MYRF: variants seen among roughly 807,000 people sequenced by gnomAD.
The protein encoded by MYRF is myelin gene regulatory factor.
A neutral mutation model predicts 126.3 loss-of-function variants in MYRF; 16 were observed. That is an observed-to-expected ratio of 0.13 (90% confidence interval 0.09 to 0.19). MYRF has a LOEUF of 0.19. MYRF is among the 10% of genes least tolerant of loss of function. MYRF has a pLI of 1.00. For missense variants in MYRF, 1,104 were observed against 1,547.0 expected, an observed-to-expected ratio of 0.71 and a Z score of 4.80; for synonymous variants, 608 against 635.3, an observed-to-expected ratio of 0.96 and a Z score of 0.65.
Position 61,784,374 on chromosome 11 carries a change from C to G in MYRF, c.3289C>G (p.Gln1097Glu). ...CCTTCCACAGAGTCTCCACACCCACCAGGACACCCAGGTAGGTGGGACTGG... is the reference window on the plus strand; with the variant it reads ...CCTTCCACAGAGTCTCCACACCCACGAGGACACCCAGGTAGGTGGGACTGG... ...GSLPQSLHTH[Q>E]DTQGTSHRWP... The change falls in exon 25 of 27, where the codon CAG (glutamine) becomes GAG (glutamate). Residue 1097 changes from glutamine (Q) to glutamate (E), a missense_variant. By Grantham distance (29) the Gln-to-Glu change is conservative. Around this residue, in one of 10 missense-constraint regions of MYRF, gnomAD observed 94 missense variants for 164.6 expected, o/e 0.57. Coordinates refer to ENST00000278836, the MANE Select transcript of MYRF (RefSeq NM_001127392.3). 1 of 1,613,526 alleles carries G rather than the reference C, an allele frequency of 6.2e-7. No individual in the cohort carries two copies.
intron 3 of MYRF, chr11:61,767,260 G>A (rs560856958): frequency 8.8e-5 from 40 of 456,744 alleles, no homozygotes; most frequent in Non-Finnish European, 1.6e-4. Flanking sequence ...GGCCCCTGGG[G>A]GCAGAGGGAG....
At position 61,770,243 on chromosome 11, in the gene MYRF, C is replaced by A; in HGVS notation, c.461-3C>A. ...GATGCCCGCTCCCCCATCTCTCCTG[C>A]AGAGCCCCACCTCCTGCGCACGATA... is the stretch of plus-strand genomic sequence containing the variant. On this transcript the variant is annotated splice_region_variant and splice_polypyrimidine_tract_variant and intron_variant, in intron 4 of 26. Transcript: ENST00000278836. 6.2e-7 allele frequency: 1 copy of A among 1,601,276 alleles called. No homozygotes were observed. Among genetic ancestry groups the A allele is most frequent in the Non-Finnish European group, 8.5e-7 (1 of 1,175,174 alleles).
chr11:61,769,457 C>T (rs2066148868), intron 4 of MYRF, 136 bp downstream of exon 4: 1 of 684,668 alleles, frequency 1.5e-6, no homozygotes, highest in East Asian at 2.8e-5. Flanking sequence ...TCAAATACTC[C>T]CTGGCGCTTG....
intron 17 of MYRF, 53 bp from the exon 18 acceptor site, chr11:61,780,169 G>A (rs2066501957): frequency 2.5e-6 from 4 of 1,587,290 alleles, no homozygotes; most frequent in Non-Finnish European, 3.5e-6. Flanking sequence ...CCTAGAGAGA[G>A]GGCACTGGAT....
At chr11:61,785,456 C>T in intron 25 of MYRF, 1 of 250,850 alleles carries the variant, frequency 4.0e-6, no homozygotes, top group Non-Finnish European at 7.7e-6. Context: ...GGGCTAGTAG[C>T]AGCACTGTGT....
Position 61,785,788 on chromosome 11 carries a change from C to T in MYRF, c.3301-12C>T. The T allele has an allele frequency of 6.2e-7, 1 of 1,613,262 alleles. No individual in the cohort carries two copies. Among genetic ancestry groups the T allele is most frequent in the Non-Finnish European group, 8.5e-7 (1 of 1,179,176 alleles). On this transcript the variant is annotated splice_polypyrimidine_tract_variant and intron_variant, in intron 25 of 26. Transcript: ENST00000278836. ...AGCAGTCTGTCCTGACCCCTCTCTC[C>T]CTTCTCTCCAGGGCACCTCTCACCG...
chr11:61,777,504 T>G lies in MYRF; in HGVS notation c.1791+40T>G, dbSNP rs994896029. The G allele has an allele frequency of 2.6e-5, 34 of 1,295,560 alleles. No homozygotes were observed. Among genetic ancestry groups the G allele is most frequent in the Middle Eastern group, 2.1e-4 (1 of 4,722 alleles). 80.3% of individuals were successfully genotyped at this position (1,295,560 alleles called of 1,614,324 possible). A position where few individuals can be genotyped will look rare whatever the true frequency, so the allele number is the denominator to read the frequency against. On this transcript the variant is annotated intron_variant, in intron 12 of 26. Coordinates refer to ENST00000278836, the MANE Select transcript of MYRF (RefSeq NM_001127392.3). The surrounding 1 kb of genome is among the most constrained non-coding windows in gnomAD (Gnocchi z 8.8). The stretch of plus-strand genomic sequence containing the variant: ...GTGGGGGCCGGGCGGGTCCAGACGC[T>G]GGAGCGGGCCGCGGGGGCGGGGCTC...
At chr11:61,766,951 T>A (rs754870780) in intron 3 of MYRF, 4 of 453,022 alleles carry the variant, frequency 8.8e-6, no homozygotes, top group Middle Eastern at 3.6e-4. Flanking sequence ...TCAGACAGCC[T>A]GGCTCCAACT....
At chr11:61,756,502 G>A (rs748292497) in intron 1 of MYRF, among the ~76,000 whole-genome samples, 76 of 152,178 alleles carry the variant, frequency 5.0e-4, no homozygotes, top group Non-Finnish European at 9.3e-4. Flanking sequence ...TGCACCCAGG[G>A]AGTAAGTAGA....
chr11:61,754,965 G>A (rs888665070), intron 1 of MYRF, among the ~76,000 whole-genome samples: 13 of 152,204 alleles, frequency 8.5e-5, no homozygotes, highest in South Asian at 4.1e-4. Context: ...TGTGAAGTGC[G>A]AGGGAGCGGG....
In MYRF at chr11:61,779,531, C is replaced by T. The variant is rs139203361; in HGVS notation, c.2208C>T (p.Ser736=). 2.0e-5 allele frequency: 30 copies of T among 1,508,398 alleles called. No individual in the cohort carries two copies. The highest frequency in any genetic ancestry group is 1.8e-4 in the Middle Eastern group (1 of 5,434). The allele number at this position is 1,508,398 out of a possible 1,614,324, so 93.4% of individuals were successfully genotyped here. The part of the protein sequence containing the change: ...HAGSQFSRAG[S]VPHKKRPPKV... ...GGAGCCAGTTCAGTCGGGCGGGCAG[C>T]GTCCCCCACAAGAAGAGGCCCCCCA... Residue 736 remains serine (S), a synonymous_variant, in exon 16 of 27, where the codon AGC becomes AGT. Transcript: ENST00000278836.
At chr11:61,761,073 G>C (rs1033706096) in intron 1 of MYRF, among the ~76,000 whole-genome samples, 1 of 152,062 alleles carries the variant, frequency 6.6e-6, no homozygotes, top group East Asian at 1.9e-4. Context: ...TCGGGCCCCG[G>C]CCCACCCTAC....
chr11:61,768,685 C>T (rs2066128764), intron 3 of MYRF: 1 of 152,310 alleles, frequency 6.6e-6, no homozygotes, highest in Non-Finnish European at 1.5e-5. Flanking sequence ...CAGCCTTCCA[C>T]TTGCTGGGTG....
chr11:61,766,317 G>C lies in MYRF; in HGVS notation c.398+96G>C. ...CCTGGGAGGTGCTAGACACTGGCCT[G>C]GCATGGGATGGGCTGGGTGACTGGC... is the stretch of plus-strand genomic sequence containing the variant. On this transcript the variant is annotated intron_variant, in intron 3 of 26. Coordinates refer to ENST00000278836, the MANE Select transcript of MYRF (RefSeq NM_001127392.3). The C allele has an allele frequency of 5.2e-6, 7 of 1,350,804 alleles. No homozygotes were observed. In the South Asian group the frequency reaches 1.1e-4, roughly 21 times the overall value. 83.7% of individuals were successfully genotyped at this position (1,350,804 alleles called of 1,614,324 possible). A position where few individuals can be genotyped will look rare whatever the true frequency, so the allele number is the denominator to read the frequency against.
chr11:61,771,658 A>G lies in MYRF; in HGVS notation c.899A>G (p.Gln300Arg). Residue 300 changes from glutamine to arginine, a missense_variant, in exon 6 of 27, where the codon CAG (glutamine) becomes CGG (arginine). Around this residue, in one of 10 missense-constraint regions of MYRF, gnomAD observed 87 missense variants for 129.2 expected, o/e 0.67. Coordinates refer to ENST00000278836, the MANE Select transcript of MYRF (RefSeq NM_001127392.3). ...TRAPSPPWPP[Q>R]GPLSPGPGSL... Reference sequence around the variant, plus strand: ...GCCCCATCGCCACCCTGGCCTCCCCAGGGTCCGCTCTCCCCGGGCCCTGGT... The same window carrying G: ...GCCCCATCGCCACCCTGGCCTCCCCGGGGTCCGCTCTCCCCGGGCCCTGGT... 3.1e-6 allele frequency: 5 copies of G among 1,613,768 alleles called. No individual in the cohort carries two copies. Among genetic ancestry groups the G allele is most frequent in the African/African-American group, 1.3e-5 (1 of 74,994 alleles).
intron 5 of MYRF, 81 bp from the exon 6 acceptor site, chr11:61,771,419 G>A (rs2135789045): frequency 6.5e-7 from 1 of 1,535,526 alleles, no homozygotes; most frequent in East Asian, 2.3e-5. Context: ...ACAGGCTAGA[G>A]AGGGGAGAGA....
intron 1 of MYRF, chr11:61,755,573 C>T (rs1160112973): frequency 5.9e-6 from 7 of 1,182,094 alleles, no homozygotes; most frequent in African/African-American, 1.5e-5. Context: ...GTGGGGTGAC[C>T]GTCTGTGCCT....
At chr11:61,758,246 C>G (rs1485120806) in intron 1 of MYRF, among the ~76,000 whole-genome samples, 1 of 152,182 alleles carries the variant, frequency 6.6e-6, no homozygotes, top group Non-Finnish European at 1.5e-5. Context: ...GACCGGGGTC[C>G]GTGCAGCCAC....
chr11:61,770,943 C>T (rs1032882315), intron 5 of MYRF, among the ~76,000 whole-genome samples: 16 of 152,218 alleles, frequency 1.1e-4, no homozygotes, highest in African/African-American at 3.6e-4. Context: ...CTGACTCAAC[C>T]TGCACGATTG....
Sources: gnomAD v4.1 joint callset for allele counts (sites outside exome capture counted in the v4.1 genomes callset) on GRCh38, gnomAD v4.1.1 for gene constraint, gnomAD v4.1.1 regional missense constraint, Gnocchi (gnomAD v3.1) non-coding constraint, MANE v1.5 for transcripts, NCBI Gene and HGNC (gene_info 2026-07-23, HGNC 2026-07-21) for gene names.